Variants in STX18 observed in about 807,000 individuals in gnomAD.
STX18 encodes the protein syntaxin-18.
Under a neutral mutation model 50.1 loss-of-function variants are expected in STX18, and 40 were observed. The ratio of observed to expected loss-of-function variants is 0.80; its 90% CI spans 0.62 to 1.04. The LOEUF (loss-of-function observed/expected upper bound fraction) is 1.04, where lower values mean the gene tolerates loss of function less well. STX18 is among the 50% of genes least tolerant of loss of function. The pLI, the probability that STX18 is intolerant of heterozygous loss-of-function variation, is 0.00. For missense variants in STX18, 410 were observed against 415.8 expected (o/e 0.99, Z 0.12); for synonymous variants, 158 against 151.8 (o/e 1.04, Z -0.30).
At chr4:4,489,815 T>C (rs1178303685) in intron 1 of STX18, among the ~76,000 whole-genome samples, 1 of 152,202 alleles carries the variant, frequency 6.6e-6, no homozygotes, top group Non-Finnish European at 1.5e-5. Context: ...AGTTAGGTCC[T>C]GAGCAGTATA....
intron 1 of STX18, among the ~76,000 whole-genome samples, chr4:4,523,406 A>C (rs1730609121): frequency 6.6e-6 from 1 of 152,148 alleles, no homozygotes; most frequent in Non-Finnish European, 1.5e-5. Context: ...TGTCTTTTCC[A>C]GTCTAAATTC....
chr4:4,464,362 C>CA (rs1727519328), intron 2 of STX18, among the ~76,000 whole-genome samples: 1 of 152,142 alleles, frequency 6.6e-6, no homozygotes. Flanking sequence ...TTTTTCTTTC[C>CA]AAATGGCATT....
At chr4:4,446,147 CCA>C (rs960136253) in intron 5 of STX18, among the ~76,000 whole-genome samples, 14 of 132,024 alleles carry the variant, frequency 1.1e-4, no homozygotes, top group Non-Finnish European at 2.0e-4. Context: ...AACCTCAACC[CCA>C]GTTATTATAT....
intron 1 of STX18, among the ~76,000 whole-genome samples, chr4:4,480,521 G>A (rs1406165366): frequency 2.0e-5 from 3 of 152,184 alleles, no homozygotes; most frequent in South Asian, 2.1e-4. Flanking sequence ...TACATCCCTT[G>A]CAGAGATGTC....
Position 4,420,301 on chromosome 4 carries a change from T to C in STX18, c.913-172A>G. On this transcript the variant is annotated intron_variant, in intron 10 of 10. Transcript: ENST00000306200. The surrounding 1 kb of genome is among the most constrained non-coding windows in gnomAD (Gnocchi z 4.3). ...CTTTTGAGATCCACCAGAAGACAAATGGGTTATATTTCCCTCTGTTTGGCC... is the reference window on the plus strand; with the variant it reads ...CTTTTGAGATCCACCAGAAGACAAACGGGTTATATTTCCCTCTGTTTGGCC... 1 of 595,220 alleles carries C rather than the reference T, an allele frequency of 1.7e-6. No homozygotes were observed. 36.9% of individuals were successfully genotyped at this position (595,220 alleles called of 1,614,324 possible). A position where few individuals can be genotyped will look rare whatever the true frequency, so the allele number is the denominator to read the frequency against.
At chr4:4,427,681 G>A (rs961581584) in intron 7 of STX18, among the ~76,000 whole-genome samples, 2 of 152,186 alleles carry the variant, frequency 1.3e-5, no homozygotes, top group Non-Finnish European at 2.9e-5. Context: ...CTGTTCCTTG[G>A]GAACAAAGCT....
At chr4:4,464,921 T>C (rs1170279559) in intron 2 of STX18, among the ~76,000 whole-genome samples, 2 of 151,980 alleles carry the variant, frequency 1.3e-5, no homozygotes, top group African/African-American at 2.4e-5. Flanking sequence ...TTTGTGTGTG[T>C]CTCTATCTCC....
rs1232369043 is a variant in STX18, at chr4:4,496,933, G to GAT, written c.169-25228_169-25227insAT. ...GGAGGTGGGGAGAACTCCTTCATAA[G>GAT]GCCAGGACAAACTAGCCTGCATCTA... On this transcript the variant is annotated intron_variant, in intron 1 of 10. Coordinates refer to ENST00000306200, the MANE Select transcript of STX18 (RefSeq NM_016930.4). 7.9e-5 allele frequency among the ~76,000 whole-genome samples: 12 copies of GAT among 152,316 alleles called. No homozygotes were observed. The East Asian group carries it at 2.3e-3, about 29-fold the overall frequency.
intron 5 of STX18, among the ~76,000 whole-genome samples, chr4:4,450,799 T>G (rs1726706254): frequency 6.6e-6 from 1 of 152,168 alleles, no homozygotes; most frequent in African/African-American, 2.4e-5. Context: ...TACCCCTGCC[T>G]CACTGCATGG....
At chr4:4,508,624 G>A (rs543688578) in intron 1 of STX18, among the ~76,000 whole-genome samples, 17 of 152,074 alleles carry the variant, frequency 1.1e-4, no homozygotes, top group African/African-American at 2.4e-4. Flanking sequence ...AACATGTGCC[G>A]TGGTGGTTTG....
chr4:4,495,832 G>C (rs903865449), intron 1 of STX18, among the ~76,000 whole-genome samples: 2 of 152,020 alleles, frequency 1.3e-5, no homozygotes, highest in African/African-American at 4.8e-5. Flanking sequence ...TTTAATCCTA[G>C]TGCAAAGAAA....
chr4:4,432,780 C>T (rs1054401281), intron 7 of STX18, among the ~76,000 whole-genome samples: 3 of 152,158 alleles, frequency 2.0e-5, no homozygotes, highest in Admixed American at 6.5e-5. Context: ...ATTTGGTTTC[C>T]GTCTTTTATT....
At chr4:4,475,114 G>C (rs1728110751) in intron 1 of STX18, among the ~76,000 whole-genome samples, 2 of 152,156 alleles carry the variant, frequency 1.3e-5, no homozygotes, top group African/African-American at 4.8e-5. Context: ...ATGGTGCCTA[G>C]GGATGAATGC....
chr4:4,478,236 A>AT (rs1560184465), intron 1 of STX18, among the ~76,000 whole-genome samples: 4 of 138,860 alleles, frequency 2.9e-5, no homozygotes, highest in Non-Finnish European at 6.5e-5. Context: ...AAAAAAAAAA[A>AT]CAAAAACGTT....
chr4:4,496,454 A>G (rs1729173302), intron 1 of STX18, among the ~76,000 whole-genome samples: 1 of 151,056 alleles, frequency 6.6e-6, no homozygotes, highest in Non-Finnish European at 1.5e-5. Flanking sequence ...TCCTAAATTC[A>G]CCCCCTTTCG....
intron 5 of STX18, among the ~76,000 whole-genome samples, chr4:4,455,255 C>T (rs1437515836): frequency 6.6e-6 from 1 of 152,194 alleles, no homozygotes; most frequent in African/African-American, 2.4e-5. Context: ...TAATAGCAAC[C>T]CAGCCTGCTT....
intron 1 of STX18, among the ~76,000 whole-genome samples, chr4:4,493,326 A>C (rs1180135055): frequency 8.2e-6 from 1 of 122,416 alleles, no homozygotes; most frequent in African/African-American, 3.2e-5. Context: ...TCATAGTCCT[A>C]CAAAGAGAAA....
chr4:4,451,443 C>T (rs1214052270), intron 5 of STX18, among the ~76,000 whole-genome samples: 1 of 152,192 alleles, frequency 6.6e-6, no homozygotes, highest in African/African-American at 2.4e-5. Context: ...CTTTATTGCA[C>T]TCTGCAGATA....
intron 5 of STX18, among the ~76,000 whole-genome samples, chr4:4,442,803 TAAAAAAAAAA>T (rs71169645): frequency 7.9e-5 from 8 of 100,642 alleles, no homozygotes; most frequent in Admixed American, 1.1e-4. Flanking sequence ...ACAAGTTTAT[TAAAAAAAAAA>T]AAAAAAAAGC....
Sources: gnomAD v4.1 joint callset for allele counts (sites outside exome capture counted in the v4.1 genomes callset) on GRCh38, gnomAD v4.1.1 for gene constraint, Gnocchi (gnomAD v3.1) non-coding constraint, MANE v1.5 for transcripts, NCBI Gene and HGNC (gene_info 2026-07-23, HGNC 2026-07-21) for gene names.